The following CNGA1 variants were observed in gnomAD, a reference collection of about 807,000 sequenced individuals.
CNGA1 encodes the protein cyclic nucleotide gated channel subunit alpha 1.
In CNGA1, 53 loss-of-function variants were observed where a neutral mutation model predicts 69.7. The observed-to-expected ratio is 0.76, with a 90% CI of 0.61 to 0.96. The LOEUF (loss-of-function observed/expected upper bound fraction) is 0.96. Among genes scored for constraint, CNGA1 ranks in the 40% least tolerant of loss-of-function variants. CNGA1 has a pLI of 0.00. For missense variants in CNGA1, 739 were observed against 811.2 expected, an observed-to-expected ratio of 0.91 and a Z score of 1.08; for synonymous variants, 249 against 283.5, an observed-to-expected ratio of 0.88 and a Z score of 1.22.
chr4:47,936,751 G>A lies in CNGA1; in HGVS notation c.1731C>T (p.Leu577=), dbSNP rs756184834. Reference sequence around the variant, plus strand: ...CTGGGTACTCAGTTAGAGCTTCCATGAGGTCATCTTTTGAGAGACAGAACA... The same window carrying A: ...CTGGGTACTCAGTTAGAGCTTCCATAAGGTCATCTTTTGAGAGACAGAACA... The part of the protein sequence containing the change: ...SDLFCLSKDD[L]MEALTEYPDA... Residue 577 remains leucine (L), a synonymous_variant, in exon 11 of 11, where the codon CTC becomes CTT. Transcript: ENST00000514170. 1 of 1,614,162 alleles carries A rather than the reference G, an allele frequency of 6.2e-7. No individual in the cohort carries two copies. The highest frequency in any genetic ancestry group is 1.7e-5 in the Admixed American group (1 of 60,014).
chr4:47,995,615 A>C (rs1742447056), intron 2 of CNGA1, among the ~76,000 whole-genome samples: 1 of 148,342 alleles, frequency 6.7e-6, no homozygotes, highest in Non-Finnish European at 1.5e-5. Flanking sequence ...TGATTAGCTT[A>C]ATAACTAACC....
In CNGA1 at chr4:47,937,794, G is replaced by C; in HGVS notation, c.688C>G (p.Leu230Val). ...LEQGLLVKEELKLINKYKSNL... is the reference protein window; with the variant it reads ...LEQGLLVKEEVKLINKYKSNL... ...GATTTATATTTATTTATGAGTTTAAGTTCTTCCTTTACCAGCAGTCCTTGT... is the reference window on the plus strand; with the variant it reads ...GATTTATATTTATTTATGAGTTTAACTTCTTCCTTTACCAGCAGTCCTTGT... Residue 230 changes from leucine (L) to valine (V), a missense_variant, in exon 11 of 11, where the codon CTT (leucine) becomes GTT (valine). Transcript: ENST00000514170. 6.2e-7 allele frequency: 1 copy of C among 1,613,048 alleles called. No individual in the cohort carries two copies. The highest frequency in any genetic ancestry group is 8.5e-7 in the Non-Finnish European group (1 of 1,179,278).
At chr4:47,994,369 G>A (rs544713603) in intron 2 of CNGA1, among the ~76,000 whole-genome samples, 15 of 152,150 alleles carry the variant, frequency 9.9e-5, no homozygotes, top group East Asian at 9.7e-4. Flanking sequence ...AGTGTTAGGC[G>A]CATATATGTT....
intron 3 of CNGA1, among the ~76,000 whole-genome samples, chr4:47,954,809 G>T (rs1014085328): frequency 6.6e-6 from 1 of 152,234 alleles, no homozygotes; most frequent in African/African-American, 2.4e-5. Flanking sequence ...TTTTTGAAGG[G>T]GGGGTAAAGC....
intron 2 of CNGA1, among the ~76,000 whole-genome samples, chr4:47,982,658 TTA>T (rs1442848382): frequency 6.6e-6 from 1 of 152,156 alleles, no homozygotes; most frequent in Non-Finnish European, 1.5e-5. Context: ...TAATATTATA[TTA>T]TGATAATATT....
intron 3 of CNGA1, among the ~76,000 whole-genome samples, chr4:47,970,731 C>T (rs1191191797): frequency 6.6e-6 from 1 of 151,664 alleles, no homozygotes; most frequent in Non-Finnish European, 1.5e-5. Context: ...TCTCAATCTC[C>T]CTTCCTCCCT....
intron 2 of CNGA1, among the ~76,000 whole-genome samples, chr4:48,001,682 C>T (rs1339992131): frequency 1.3e-5 from 2 of 152,160 alleles, no homozygotes; most frequent in Admixed American, 6.5e-5. Flanking sequence ...GAGCAAGCAA[C>T]TTAACCCAAT....
At chr4:47,974,071 GA>G (rs199875207) in intron 3 of CNGA1, among the ~76,000 whole-genome samples, 11,272 of 49,376 alleles carry the variant, frequency 0.23, 499 homozygotes, top group East Asian at 0.39. Flanking sequence ...CTGGTCTCTA[GA>G]TAGATAGATA....
intron 1 of CNGA1, among the ~76,000 whole-genome samples, chr4:48,012,591 T>A (rs1409211269): frequency 1.0e-5 from 1 of 100,000 alleles, no homozygotes; most frequent in Non-Finnish European, 2.2e-5. Flanking sequence ...TTTTTTTTTT[T>A]AGAATTTAGC....
At chr4:47,941,340 A>G (rs1472279252) in intron 9 of CNGA1, among the ~76,000 whole-genome samples, 2 of 152,186 alleles carry the variant, frequency 1.3e-5, no homozygotes, top group African/African-American at 4.8e-5. Flanking sequence ...AAAAAAATAA[A>G]TGGCCTAAAA....
intron 8 of CNGA1, chr4:47,942,928 C>A (rs1739185229): frequency 2.9e-6 from 1 of 343,716 alleles, no homozygotes; most frequent in Non-Finnish European, 5.2e-6. Flanking sequence ...AGAGAATTAA[C>A]CCTAGCAGTG....
At chr4:47,973,371 C>T (rs910848964) in intron 3 of CNGA1, among the ~76,000 whole-genome samples, 10 of 151,952 alleles carry the variant, frequency 6.6e-5, no homozygotes, top group South Asian at 6.2e-4. Context: ...CCACCGCGTC[C>T]GGTCTAAAGC....
chr4:47,937,552 AT>A lies in CNGA1; in HGVS notation c.929del (p.Asn310MetfsTer45). On this transcript the variant is annotated frameshift_variant, in exon 11 of 11. Coordinates refer to ENST00000514170, the MANE Select transcript of CNGA1 (RefSeq NM_001379270.1). LOFTEE classifies it high-confidence loss of function. ...TAGAAATAGAGTAGAACACACATGCATTCCAGTGGATAATGATGACGATATA... is the reference window on the plus strand; with the variant it reads ...TAGAAATAGAGTAGAACACACATGCATCCAGTGGATAATGATGACGATATA... ...VMYIVIIIHW[N>X]ACVFYSISKA... 6.2e-7 allele frequency: 1 copy of A among 1,614,194 alleles called. No homozygotes were observed. Among genetic ancestry groups the A allele is most frequent in the African/African-American group, 1.3e-5 (1 of 75,060 alleles).
At chr4:47,997,066 A>G (rs1742501159) in intron 2 of CNGA1, among the ~76,000 whole-genome samples, 1 of 152,190 alleles carries the variant, frequency 6.6e-6, no homozygotes, top group African/African-American at 2.4e-5. Flanking sequence ...TCTGAAAAAA[A>G]ACAAAAACTT....
chr4:47,952,503 A>G (rs879138465), intron 4 of CNGA1, 80 bp downstream of exon 4: 1 of 1,480,196 alleles, frequency 6.8e-7, no homozygotes, highest in Admixed American at 1.7e-5. Context: ...CAAATTATAA[A>G]GCTAAATTGA....
chr4:48,003,049 C>T (rs989145940), intron 2 of CNGA1, among the ~76,000 whole-genome samples: 2 of 152,172 alleles, frequency 1.3e-5, no homozygotes, highest in African/African-American at 4.8e-5. Flanking sequence ...GAGAACACAA[C>T]CCCATGACAC....
chr4:47,995,279 C>T (rs919958856), intron 2 of CNGA1, among the ~76,000 whole-genome samples: 13 of 152,102 alleles, frequency 8.5e-5, no homozygotes, highest in African/African-American at 3.1e-4. Flanking sequence ...GTTTTCCAAA[C>T]TTTTAGAATT....
intron 3 of CNGA1, among the ~76,000 whole-genome samples, chr4:47,957,613 T>A (rs2110171071): frequency 6.6e-6 from 1 of 152,092 alleles, no homozygotes. Context: ...GAGAGTGACC[T>A]CATCTCTAAA....
chr4:48,000,636 G>A (rs1714627680), intron 2 of CNGA1, among the ~76,000 whole-genome samples: 1 of 151,682 alleles, frequency 6.6e-6, no homozygotes, highest in Non-Finnish European at 1.5e-5. Flanking sequence ...CCAAAGTGCT[G>A]TGAACACAGG....
Sources: gnomAD v4.1 joint callset for allele counts (sites outside exome capture counted in the v4.1 genomes callset) on GRCh38, gnomAD v4.1.1 for gene constraint, MANE v1.5 for transcripts, NCBI Gene and HGNC (gene_info 2026-07-23, HGNC 2026-07-21) for gene names.